The following PLPPR5 variants were observed in gnomAD, a reference collection of about 807,000 sequenced individuals.
The protein encoded by PLPPR5 is phospholipid phosphatase-related protein type 5.
PLPPR5 carries 16 observed loss-of-function variants against 33.9 expected under a neutral mutation model. The ratio of observed to expected loss-of-function variants is 0.47; its 90% CI spans 0.32 to 0.72. The LOEUF is 0.72. Among genes scored for constraint, PLPPR5 ranks in the 30% least tolerant of loss-of-function variants. The probability of loss-of-function intolerance (pLI) is 0.03; values close to 1 mark genes in which losing one functional copy is unlikely to be tolerated. For synonymous variants in PLPPR5, 163 were observed against 150.3 expected (o/e 1.08, Z -0.62); for missense variants, 301 against 406.7 (o/e 0.74, Z 2.23).
intron 1 of PLPPR5, among the ~76,000 whole-genome samples, chr1:98,985,954 C>A (rs1652246862): frequency 6.6e-6 from 1 of 151,970 alleles, no homozygotes. Context: ...TTTGAGGTGG[C>A]ATTTCCTGAA....
At chr1:98,979,126 G>A (rs1184954636) in intron 1 of PLPPR5, among the ~76,000 whole-genome samples, 1 of 151,978 alleles carries the variant, frequency 6.6e-6, no homozygotes, top group East Asian at 1.9e-4. Context: ...TCTAGGTACT[G>A]GAGTGAATTT....
chr1:98,991,660 A>G (rs534881566), intron 1 of PLPPR5, among the ~76,000 whole-genome samples: 1 of 143,640 alleles, frequency 7.0e-6, no homozygotes, highest in South Asian at 2.2e-4. Flanking sequence ...AAGTTGTTCC[A>G]AATAACTTCA....
intron 1 of PLPPR5, among the ~76,000 whole-genome samples, chr1:99,002,667 A>G (rs1024110557): frequency 6.6e-6 from 1 of 152,034 alleles, no homozygotes; most frequent in Non-Finnish European, 1.5e-5. Context: ...GAATCATCCA[A>G]ATCATTGGGT....
At chr1:98,972,080 C>A (rs1211141425) in intron 1 of PLPPR5, among the ~76,000 whole-genome samples, 1 of 151,984 alleles carries the variant, frequency 6.6e-6, no homozygotes, top group Non-Finnish European at 1.5e-5. Flanking sequence ...CCCAAACGAA[C>A]CCTCAATGAG....
rs1407649582 is a variant in PLPPR5 at position 98,977,666 on chromosome 1, C to CA, written c.238-20926dup. Among the ~76,000 whole-genome samples, 5 of 151,348 alleles carry CA rather than the reference C, an allele frequency of 3.3e-5. No homozygotes were observed. In the East Asian group the frequency reaches 9.8e-4, roughly 30 times the overall value. On this transcript the variant is annotated intron_variant, in intron 1 of 5. Coordinates refer to ENST00000263177, the MANE Select transcript of PLPPR5 (RefSeq NM_001037317.2). ...AACCTTATCTGGTTCCTCATGCTGA[C>CA]ATTTGAACATACCTTCTTCCTGGTA...
intron 3 of PLPPR5, among the ~76,000 whole-genome samples, chr1:98,925,102 T>A (rs1436843510): frequency 6.6e-6 from 1 of 152,222 alleles, no homozygotes; most frequent in Non-Finnish European, 1.5e-5. Context: ...TATCCTTACA[T>A]AAAGTCTATT....
intron 3 of PLPPR5, among the ~76,000 whole-genome samples, chr1:98,949,776 A>G (rs893475714): frequency 6.6e-6 from 1 of 152,188 alleles, no homozygotes; most frequent in African/African-American, 2.4e-5. Flanking sequence ...CAGGAGTTAT[A>G]TTCAGAGTTG....
At chr1:98,937,145 G>T (rs1163153202) in intron 3 of PLPPR5, among the ~76,000 whole-genome samples, 1 of 152,194 alleles carries the variant, frequency 6.6e-6, no homozygotes, top group East Asian at 1.9e-4. Flanking sequence ...GCAGCAGTCT[G>T]CCCAGGTGCA....
chr1:98,967,905 G>A (rs750888398), intron 1 of PLPPR5, among the ~76,000 whole-genome samples: 4 of 152,086 alleles, frequency 2.6e-5, no homozygotes, highest in Non-Finnish European at 5.9e-5. Context: ...GGGTAATAGA[G>A]TTGTTTGATC....
chr1:98,901,929 A>C (rs189318053), intron 5 of PLPPR5, among the ~76,000 whole-genome samples: 52 of 152,192 alleles, frequency 3.4e-4, no homozygotes, highest in African/African-American at 1.2e-3. Context: ...ATGGATTATA[A>C]CTTTTAATAA....
chr1:99,003,056 CATATAT>C (rs59686592), intron 1 of PLPPR5, among the ~76,000 whole-genome samples: 5,988 of 81,048 alleles, frequency 0.074, 149 homozygotes, highest in Non-Finnish European at 0.082. Flanking sequence ...ACTTATTTTA[CATATAT>C]ATATATATAT....
chr1:98,928,772 C>T (rs925277043), intron 3 of PLPPR5, among the ~76,000 whole-genome samples: 22 of 151,448 alleles, frequency 1.5e-4, no homozygotes, highest in Admixed American at 4.6e-4. Context: ...GCCTGAGCTG[C>T]GTTAGGCAAC....
chr1:98,962,023 C>T (rs1651266911), intron 1 of PLPPR5, among the ~76,000 whole-genome samples: 1 of 152,160 alleles, frequency 6.6e-6, no homozygotes, highest in East Asian at 1.9e-4. Flanking sequence ...ACAGCCTTTA[C>T]ATCCAAAATA....
At chr1:98,975,290 C>T (rs115497095) in intron 1 of PLPPR5, among the ~76,000 whole-genome samples, 3,205 of 152,140 alleles carry the variant, frequency 0.021, 45 homozygotes, top group African/African-American at 0.035. Flanking sequence ...GTTTTTGTGT[C>T]CAATCCCTTC....
At chr1:98,910,073 T>C (rs1020019815) in intron 5 of PLPPR5, among the ~76,000 whole-genome samples, 1 of 152,238 alleles carries the variant, frequency 6.6e-6, no homozygotes, top group African/African-American at 2.4e-5. Context: ...GCTTACAGTT[T>C]ATCAAACATG....
intron 3 of PLPPR5, among the ~76,000 whole-genome samples, chr1:98,926,259 TAAGCA>T (rs1649760712): frequency 6.6e-6 from 1 of 152,064 alleles, no homozygotes; most frequent in Non-Finnish European, 1.5e-5. Flanking sequence ...AGCCCAAAAT[TAAGCA>T]AACCGGTGCC....
At chr1:98,907,166 G>A (rs771063528) in intron 5 of PLPPR5, among the ~76,000 whole-genome samples, 13 of 149,404 alleles carry the variant, frequency 8.7e-5, no homozygotes, top group Middle Eastern at 3.6e-3. Flanking sequence ...GAAAGAAGAT[G>A]CTATCTAAAA....
At chr1:99,002,287 C>G (rs1337608351) in intron 1 of PLPPR5, among the ~76,000 whole-genome samples, 1 of 152,118 alleles carries the variant, frequency 6.6e-6, no homozygotes, top group Non-Finnish European at 1.5e-5. Context: ...AACTAAAAGC[C>G]AAAACATCGA....
chr1:98,964,802 T>G (rs970984902), intron 1 of PLPPR5, among the ~76,000 whole-genome samples: 1 of 152,250 alleles, frequency 6.6e-6, no homozygotes, highest in Middle Eastern at 3.4e-3. Context: ...GGGCTTTCAC[T>G]GCTTTATTTA....
Sources: allele counts gnomAD v4.1 joint callset (sites outside exome capture counted in the v4.1 genomes callset), GRCh38; gene constraint gnomAD v4.1.1; transcripts MANE v1.5; gene names NCBI Gene and HGNC (gene_info 2026-07-23, HGNC 2026-07-21).